ZC4H2: variants seen among roughly 807,000 people sequenced by gnomAD.
The protein encoded by ZC4H2 is zinc finger C4H2-type containing.
For missense variants in ZC4H2, 137 were observed against 173.9 expected (o/e 0.79, Z 1.19); for synonymous variants, 84 against 66.3 (o/e 1.27, Z -1.30).
At chrX:65,032,635 A>G (rs752384625) in intron 1 of ZC4H2, among the ~76,000 whole-genome samples, 45 of 111,261 alleles carry the variant, frequency 4.0e-4, no homozygotes, top group South Asian at 1.5e-3. Flanking sequence ...CGCCTTTCCA[A>G]TTGTTCTTCT....
chrX:65,015,974 C>G (rs1310590813), intron 1 of ZC4H2, among the ~76,000 whole-genome samples: 2 of 110,956 alleles, frequency 1.8e-5, no homozygotes, highest in African/African-American at 6.6e-5. Context: ...GCTTGCTTAC[C>G]CCAATCCATA....
intron 1 of ZC4H2, among the ~76,000 whole-genome samples, chrX:64,927,562 T>G (rs762532765): frequency 1.8e-5 from 2 of 112,260 alleles, no homozygotes; most frequent in Middle Eastern, 8.4e-3. Context: ...TCCAAGTCTT[T>G]GCTATTGTGA....
rs377172086 is a variant in ZC4H2 at position 64,919,060 on chromosome X, C to T, written c.543G>A (p.Gln181=). ...CACTTACCTTCATAGGTGGGGGCTG[C>T]TGCCTGAAGGTGGCCGTCTGCCGAG... ...QDTRQTATFR[Q]QPPPMKACLS... is the part of the protein sequence containing the mutation. Residue 181 remains glutamine, a synonymous_variant, in exon 4 of 5, where the codon CAG becomes CAA. Transcript: ENST00000374839. The T allele has an allele frequency of 8.6e-7, 1 of 1,169,237 alleles. No homozygotes were observed. Among genetic ancestry groups the T allele is most frequent in the Non-Finnish European group, 1.1e-6 (1 of 872,240 alleles).
At chrX:64,937,492 C>G (rs1930068975) in intron 1 of ZC4H2, among the ~76,000 whole-genome samples, 2 of 111,814 alleles carry the variant, frequency 1.8e-5, no homozygotes, top group Middle Eastern at 4.2e-3. Context: ...ATATTCTTCT[C>G]AGCAACTCAT....
intron 1 of ZC4H2, among the ~76,000 whole-genome samples, chrX:65,013,984 G>A (rs754572486): frequency 2.4e-4 from 27 of 110,250 alleles, no homozygotes; most frequent in Admixed American, 2.4e-3. Context: ...CTGTCTGCTT[G>A]TGTAGAAAAA....
chrX:64,959,408 C>T (rs1931288333), intron 1 of ZC4H2, among the ~76,000 whole-genome samples: 1 of 98,104 alleles, frequency 1.0e-5, no homozygotes, highest in Admixed American at 1.2e-4. Context: ...TCTAGGATGC[C>T]TTTGAATGTA....
intron 1 of ZC4H2, among the ~76,000 whole-genome samples, chrX:65,025,418 C>T (rs1187716815): frequency 1.8e-5 from 2 of 110,791 alleles, no homozygotes; most frequent in African/African-American, 6.6e-5. Context: ...CATCCATAAT[C>T]GTATTGCTTT....
chrX:64,926,772 A>AT (rs781743755), intron 1 of ZC4H2, among the ~76,000 whole-genome samples: 5 of 111,618 alleles, frequency 4.5e-5, no homozygotes, highest in Middle Eastern at 4.6e-3. Flanking sequence ...TTGTACATGG[A>AT]TTTTTTTCAA....
intron 1 of ZC4H2, among the ~76,000 whole-genome samples, chrX:64,933,887 AG>A (rs904681308): frequency 1.1e-4 from 12 of 112,109 alleles, no homozygotes; most frequent in African/African-American, 3.9e-4. Context: ...TAGCTAAGGC[AG>A]GTGAGATGTC....
At chrX:64,981,367 G>T (rs984211885), upstream of ZC4H2, among the ~76,000 whole-genome samples, 1 of 111,362 alleles carries the variant, frequency 9.0e-6, no homozygotes, top group Non-Finnish European at 1.9e-5. Flanking sequence ...AGGAAAACCA[G>T]TGGGAAAACT....
chrX:64,986,320 T>C (rs1402461523), intron 1 of ZC4H2, among the ~76,000 whole-genome samples: 1 of 112,089 alleles, frequency 8.9e-6, no homozygotes, highest in East Asian at 2.8e-4. Flanking sequence ...CCTTCCATGT[T>C]TCAAGATGTG....
intron 1 of ZC4H2, among the ~76,000 whole-genome samples, chrX:64,933,708 CA>C (rs1367879599): frequency 9.0e-6 from 1 of 110,947 alleles, no homozygotes; most frequent in Non-Finnish European, 1.9e-5. Context: ...TGGGCAAGTT[CA>C]CTGTTTCTTA....
chrX:65,006,957 T>A (rs1204725174), intron 1 of ZC4H2, among the ~76,000 whole-genome samples: 2 of 112,370 alleles, frequency 1.8e-5, no homozygotes, highest in African/African-American at 6.5e-5. Context: ...TATTCTGTAA[T>A]CATAATTTCC....
intron 1 of ZC4H2, among the ~76,000 whole-genome samples, chrX:64,959,052 T>C (rs768966785): frequency 9.0e-6 from 1 of 111,196 alleles, no homozygotes; most frequent in South Asian, 3.8e-4. Context: ...TATGACAACT[T>C]TCTGGCCAAT....
intron 1 of ZC4H2, among the ~76,000 whole-genome samples, chrX:64,953,632 A>C (rs1357706817): frequency 9.0e-6 from 1 of 111,589 alleles, no homozygotes; most frequent in Non-Finnish European, 1.9e-5. Context: ...ATAGCATCTC[A>C]CACCAGAATG....
intron 1 of ZC4H2, among the ~76,000 whole-genome samples, chrX:64,959,570 G>T (rs1181693182): frequency 9.3e-6 from 1 of 107,781 alleles, no homozygotes; most frequent in African/African-American, 3.4e-5. Context: ...GACTTTTCTG[G>T]TCTGAGTTCT....
At chrX:65,016,836 A>G (rs1033592029) in intron 1 of ZC4H2, among the ~76,000 whole-genome samples, 11 of 111,821 alleles carry the variant, frequency 9.8e-5, no homozygotes, top group African/African-American at 3.3e-4. Flanking sequence ...TAAAAATATT[A>G]CCTTTCTATC....
intron 1 of ZC4H2, among the ~76,000 whole-genome samples, chrX:64,928,685 C>T (rs7882294): frequency 1.4e-3 from 72 of 52,567 alleles, no homozygotes; most frequent in Middle Eastern, 9.5e-3. Context: ...CTTCTTCTTC[C>T]TCCTCCTCTT....
chrX:64,933,523 G>GT (rs61677975), intron 1 of ZC4H2, among the ~76,000 whole-genome samples: 1 of 110,344 alleles, frequency 9.1e-6, no homozygotes, highest in East Asian at 2.9e-4. Flanking sequence ...TTGGACTGTG[G>GT]TTTTTTTTAA....
Sources: gnomAD v4.1 joint callset for allele counts (sites outside exome capture counted in the v4.1 genomes callset) on GRCh38, gnomAD v4.1.1 for gene constraint, MANE v1.5 for transcripts, NCBI Gene and HGNC (gene_info 2026-07-23, HGNC 2026-07-21) for gene names.